The following CCDC91 variants were observed in gnomAD, a reference collection of about 807,000 sequenced individuals.
CCDC91 encodes the protein coiled-coil domain-containing protein 91.
A neutral mutation model predicts 63.2 loss-of-function variants in CCDC91; 48 were observed. The ratio of observed to expected loss-of-function variants is 0.76; its 90% CI spans 0.60 to 0.97. CCDC91 has a LOEUF of 0.97. CCDC91 is among the 50% of genes least tolerant of loss of function. The pLI is 0.00. For synonymous variants in CCDC91, 167 were observed against 165.8 expected (o/e 1.01, Z -0.06); for missense variants, 500 against 494.6 (o/e 1.01, Z -0.10).
At chr12:28,455,917 C>T (rs1302759404) in intron 11 of CCDC91, among the ~76,000 whole-genome samples, 1 of 151,982 alleles carries the variant, frequency 6.6e-6, no homozygotes, top group Non-Finnish European at 1.5e-5. Context: ...GATTATGTAA[C>T]TTGTTTTAGG....
chr12:28,264,903 C>G (rs946821402), intron 3 of CCDC91, among the ~76,000 whole-genome samples: 1 of 151,860 alleles, frequency 6.6e-6, no homozygotes, highest in Admixed American at 6.6e-5. Flanking sequence ...AATGCCATGA[C>G]CCGTGCACCT....
chr12:28,195,296 A>C (rs1357944698), intron 1 of CCDC91, among the ~76,000 whole-genome samples: 2 of 152,196 alleles, frequency 1.3e-5, no homozygotes, highest in Non-Finnish European at 2.9e-5. Flanking sequence ...CTACCCGATT[A>C]GCTAGACACA....
At chr12:28,224,446 C>G (rs571246309) in intron 1 of CCDC91, among the ~76,000 whole-genome samples, 1 of 152,080 alleles carries the variant, frequency 6.6e-6, no homozygotes, top group Non-Finnish European at 1.5e-5. Context: ...TATTTCCTCC[C>G]TTTTTCTTTC....
chr12:28,301,914 A>G (rs180816461), intron 3 of CCDC91, among the ~76,000 whole-genome samples: 1 of 151,440 alleles, frequency 6.6e-6, no homozygotes, highest in Admixed American at 6.6e-5. Context: ...TTAATTTTGT[A>G]TATTTGAGTT....
chr12:28,235,021 T>C lies in CCDC91; in HGVS notation c.-14-22181T>C, dbSNP rs1944845133. On this transcript the variant is annotated intron_variant, in intron 1 of 12. Transcript: ENST00000536442. Reference sequence around the variant, plus strand: ...AGAGTGCAAGTTTGATTAGGTGTTTTCTGTCTTCATGTGCTCTCTCCACAT... The same window carrying C: ...AGAGTGCAAGTTTGATTAGGTGTTTCCTGTCTTCATGTGCTCTCTCCACAT... 2.0e-5 allele frequency among the ~76,000 whole-genome samples: 3 copies of C among 152,174 alleles called. No individual in the cohort carries two copies. In the South Asian group the frequency reaches 6.2e-4, roughly 31 times the overall value.
intron 7 of CCDC91, among the ~76,000 whole-genome samples, chr12:28,363,274 A>G (rs1944021805): frequency 6.6e-6 from 1 of 152,098 alleles, no homozygotes; most frequent in Non-Finnish European, 1.5e-5. Flanking sequence ...GATTAAAAAA[A>G]ATGTTATCTT....
intron 12 of CCDC91, among the ~76,000 whole-genome samples, chr12:28,526,875 CT>C (rs1347027535): frequency 1.3e-5 from 2 of 151,792 alleles, no homozygotes; most frequent in Admixed American, 6.6e-5. Context: ...GAAGTTCTTT[CT>C]TCTGCTTGTT....
At chr12:28,285,735 A>G (rs1189823329) in intron 3 of CCDC91, among the ~76,000 whole-genome samples, 1 of 145,652 alleles carries the variant, frequency 6.9e-6, no homozygotes, top group Non-Finnish European at 1.5e-5. Context: ...TTTCTGATTG[A>G]TCTTATTATT....
chr12:28,393,455 G>C (rs1378533540), intron 8 of CCDC91, among the ~76,000 whole-genome samples: 3 of 149,438 alleles, frequency 2.0e-5, no homozygotes, highest in Admixed American at 2.0e-4. Context: ...TATATGCTTT[G>C]AACCTCATAT....
intron 6 of CCDC91, among the ~76,000 whole-genome samples, chr12:28,351,342 G>A (rs1943167608): frequency 6.6e-6 from 1 of 152,208 alleles, no homozygotes; most frequent in Non-Finnish European, 1.5e-5. Flanking sequence ...GGAATCACCA[G>A]TTCCAAACAA....
chr12:28,340,913 G>C (rs1942371045), intron 6 of CCDC91, among the ~76,000 whole-genome samples: 1 of 152,182 alleles, frequency 6.6e-6, no homozygotes, highest in Non-Finnish European at 1.5e-5. Context: ...TCCCATGTGG[G>C]CTTGGAGAAT....
chr12:28,347,928 T>A (rs1942924983), intron 6 of CCDC91, among the ~76,000 whole-genome samples: 1 of 152,168 alleles, frequency 6.6e-6, no homozygotes, highest in Non-Finnish European at 1.5e-5. Context: ...TAGTCCCACT[T>A]ATGTTAAGTG....
chr12:28,293,431 T>C (rs1949364592), intron 3 of CCDC91, among the ~76,000 whole-genome samples: 1 of 152,232 alleles, frequency 6.6e-6, no homozygotes. Flanking sequence ...AGTTTTGTTT[T>C]ACTTCATTAA....
chr12:28,460,266 G>A lies in CCDC91; in HGVS notation c.1101+7612G>A, dbSNP rs568943141. Among the ~76,000 whole-genome samples the A allele has an allele frequency of 8.9e-4, 135 of 152,168 alleles. 1 individual carries two copies. The highest frequency in any genetic ancestry group is 2.7e-3 in the African/African-American group (114 of 41,514). On this transcript the variant is annotated intron_variant, in intron 11 of 12. Coordinates refer to ENST00000536442, the MANE Select transcript of CCDC91 (RefSeq NM_018318.5). ...TTTGCCTCCTGATCACATTGTTTGC[G>A]TACTAGATGGAGCCCACTCTGAAGT...
intron 3 of CCDC91, among the ~76,000 whole-genome samples, chr12:28,296,327 A>G (rs1949561352): frequency 6.6e-6 from 1 of 151,952 alleles, no homozygotes; most frequent in Admixed American, 6.6e-5. Flanking sequence ...TGATTATTGC[A>G]ATTTGTAGTA....
At chr12:28,461,315 T>C (rs992094863) in intron 11 of CCDC91, among the ~76,000 whole-genome samples, 6 of 152,072 alleles carry the variant, frequency 3.9e-5, no homozygotes, top group Non-Finnish European at 8.8e-5. Flanking sequence ...AGAATGTGTG[T>C]ATTAGAGAAT....
At chr12:28,483,776 T>C (rs1951569876) in intron 11 of CCDC91, among the ~76,000 whole-genome samples, 1 of 152,100 alleles carries the variant, frequency 6.6e-6, no homozygotes. Context: ...AAACATCAAA[T>C]GAAAGGTTGG....
intron 3 of CCDC91, among the ~76,000 whole-genome samples, chr12:28,270,551 A>G (rs1231864942): frequency 6.6e-6 from 1 of 152,122 alleles, no homozygotes; most frequent in African/African-American, 2.4e-5. Context: ...CATCTCTTAA[A>G]AATTTACGAA....
chr12:28,357,574 A>AT (rs1943603856), intron 6 of CCDC91, among the ~76,000 whole-genome samples: 1 of 152,118 alleles, frequency 6.6e-6, no homozygotes, highest in Non-Finnish European at 1.5e-5. Flanking sequence ...AGGGAATGAG[A>AT]ATACATTCTA....
Sources: gnomAD v4.1 joint callset for allele counts (sites outside exome capture counted in the v4.1 genomes callset) on GRCh38, gnomAD v4.1.1 for gene constraint, MANE v1.5 for transcripts, NCBI Gene and HGNC (gene_info 2026-07-23, HGNC 2026-07-21) for gene names.